The following SOX5 variants were observed in gnomAD, a reference collection of about 807,000 sequenced individuals.
SOX5 encodes transcription factor SOX-5.
Under a neutral mutation model 92.0 loss-of-function variants are expected in SOX5, and 9 were observed. The ratio of observed to expected loss-of-function variants is 0.10; its 90% confidence interval spans 0.06 to 0.17. SOX5 has a LOEUF of 0.17. Among genes scored for constraint, SOX5 ranks in the 10% least tolerant of loss-of-function variants. The probability of loss-of-function intolerance (pLI) is 1.00; values close to 1 mark genes in which losing one functional copy is unlikely to be tolerated. For missense variants in SOX5, 642 were observed against 944.5 expected, an observed-to-expected ratio of 0.68 and a Z score of 4.20; for synonymous variants, 344 against 336.3, an observed-to-expected ratio of 1.02 and a Z score of -0.25.
At chr12:23,635,524 G>C (rs2079110524) in intron 8 of SOX5, among the ~76,000 whole-genome samples, 1 of 152,040 alleles carries the variant, frequency 6.6e-6, no homozygotes, top group African/African-American at 2.4e-5. Flanking sequence ...GGCCTGTCGT[G>C]GGGTGGGAGG....
intron 4 of SOX5, among the ~76,000 whole-genome samples, chr12:23,981,629 G>T (rs1391730544): frequency 6.6e-6 from 1 of 152,010 alleles, no homozygotes; most frequent in Non-Finnish European, 1.5e-5. Context: ...ATTGAATGTG[G>T]CCTCTAAAAT....
intron 6 of SOX5, among the ~76,000 whole-genome samples, chr12:23,668,447 G>C (rs1158335157): frequency 6.6e-6 from 1 of 152,142 alleles, no homozygotes. Context: ...TCACTGCACT[G>C]ATGCTGAAAT....
At chr12:23,562,727 C>T (rs905358437) in intron 11 of SOX5, among the ~76,000 whole-genome samples, 2 of 152,066 alleles carry the variant, frequency 1.3e-5, no homozygotes, top group African/African-American at 2.4e-5. Context: ...ATACAAATAA[C>T]GTCAAAGTTT....
intron 3 of SOX5, among the ~76,000 whole-genome samples, chr12:23,807,517 A>G (rs1488456934): frequency 6.6e-6 from 1 of 152,202 alleles, no homozygotes; most frequent in Admixed American, 6.5e-5. Context: ...AAGGCTTGAC[A>G]GTTATTACCA....
chr12:23,852,541 A>G lies in SOX5; in HGVS notation c.271-6348T>C, dbSNP rs570265907. ...TAAAGATTGCTATTCAACAGGATGG[A>G]AATTCAGCAGAAGTCTAACTTGGTT... On this transcript the variant is annotated intron_variant, in intron 2 of 14. Transcript: ENST00000451604. Among the ~76,000 whole-genome samples, 5 of 152,280 alleles carry G rather than the reference A, an allele frequency of 3.3e-5. No individual in the cohort carries two copies. In the South Asian group the frequency reaches 8.3e-4, roughly 25 times the overall value.
At chr12:24,333,156 AATG>A (rs1446812871) in intron 2 of SOX5, among the ~76,000 whole-genome samples, 5 of 152,136 alleles carry the variant, frequency 3.3e-5, no homozygotes, top group African/African-American at 1.2e-4. Context: ...GAATGAAGAT[AATG>A]AAATATCAAA....
intron 4 of SOX5, among the ~76,000 whole-genome samples, chr12:24,186,127 G>C (rs528845295): frequency 6.6e-6 from 1 of 152,034 alleles, no homozygotes; most frequent in South Asian, 2.1e-4. Flanking sequence ...GAATAAGTAG[G>C]ATATTACCAG....
At chr12:24,524,312 G>A (rs963277159) in intron 1 of SOX5, among the ~76,000 whole-genome samples, 1 of 151,934 alleles carries the variant, frequency 6.6e-6, no homozygotes, top group Non-Finnish European at 1.5e-5. Flanking sequence ...CCATACCCAT[G>A]AGCCAATTTC....
chr12:23,683,539 A>G (rs2086985545), intron 6 of SOX5, among the ~76,000 whole-genome samples: 1 of 151,842 alleles, frequency 6.6e-6, no homozygotes. Flanking sequence ...TACTACTCCT[A>G]AAGGTCACAT....
At chr12:23,598,288 C>T (rs1390765054) in intron 9 of SOX5, among the ~76,000 whole-genome samples, 1 of 150,306 alleles carries the variant, frequency 6.7e-6, no homozygotes. Context: ...TTGAGCAGTG[C>T]TTTTTGAACT....
intron 2 of SOX5, among the ~76,000 whole-genome samples, chr12:24,331,011 C>G (rs1424908377): frequency 6.6e-6 from 1 of 152,090 alleles, no homozygotes; most frequent in Non-Finnish European, 1.5e-5. Context: ...AGCCAGTCTC[C>G]CCGGAGCTCC....
At chr12:24,183,423 T>C (rs1158333082) in intron 4 of SOX5, among the ~76,000 whole-genome samples, 1 of 152,194 alleles carries the variant, frequency 6.6e-6, no homozygotes, top group African/African-American at 2.4e-5. Flanking sequence ...CAGCTAAGTT[T>C]ATTATTCATT....
intron 1 of SOX5, among the ~76,000 whole-genome samples, chr12:24,388,118 T>C (rs747870931): frequency 2.6e-5 from 4 of 152,200 alleles, no homozygotes; most frequent in Non-Finnish European, 5.9e-5. Context: ...TTGTACGTAA[T>C]TTCACCATCA....
intron 10 of SOX5, 95 bp downstream of exon 10, chr12:23,575,566 C>T: frequency 1.7e-6 from 2 of 1,155,980 alleles, no homozygotes; most frequent in Non-Finnish European, 2.6e-6. Context: ...AGAATTCAAG[C>T]CGTGTATAGA....
At chr12:23,585,841 C>A (rs1216437746) in intron 9 of SOX5, among the ~76,000 whole-genome samples, 2 of 152,104 alleles carry the variant, frequency 1.3e-5, no homozygotes, top group East Asian at 3.9e-4. Flanking sequence ...GAGGATATCT[C>A]CTCTCTTCTC....
chr12:24,532,348 A>G (rs1285099045), intron 1 of SOX5, among the ~76,000 whole-genome samples: 1 of 152,210 alleles, frequency 6.6e-6, no homozygotes, highest in Non-Finnish European at 1.5e-5. Flanking sequence ...TGCCTTCTCA[A>G]CATGCAGACT....
chr12:23,916,923 C>T (rs2097423364), intron 1 of SOX5, among the ~76,000 whole-genome samples: 2 of 152,212 alleles, frequency 1.3e-5, no homozygotes, highest in South Asian at 4.1e-4. Flanking sequence ...AAATTTTATA[C>T]ATGGATATTT....
intron 4 of SOX5, among the ~76,000 whole-genome samples, chr12:23,968,848 A>G (rs1470231342): frequency 6.6e-6 from 1 of 152,046 alleles, no homozygotes; most frequent in Non-Finnish European, 1.5e-5. Context: ...CAACCTTTGA[A>G]TCTTCGAGAT....
intron 1 of SOX5, among the ~76,000 whole-genome samples, chr12:24,390,435 T>A (rs1331461772): frequency 6.6e-6 from 1 of 152,170 alleles, no homozygotes; most frequent in African/African-American, 2.4e-5. Flanking sequence ...ATTACATGTA[T>A]AATGTTTTTA....
Sources: gnomAD v4.1 joint callset for allele counts (sites outside exome capture counted in the v4.1 genomes callset) on GRCh38, gnomAD v4.1.1 for gene constraint, MANE v1.5 for transcripts, NCBI Gene and HGNC (gene_info 2026-07-23, HGNC 2026-07-21) for gene names.